The following KCNV2 variants were observed in gnomAD, a reference collection of about 807,000 sequenced individuals.
KCNV2 encodes potassium voltage-gated channel subfamily V member 2.
A neutral mutation model predicts 37.0 loss-of-function variants in KCNV2; 65 were observed. The ratio of observed to expected loss-of-function variants is 1.76; its 90% CI spans 1.44 to 2.16. The LOEUF (loss-of-function observed/expected upper bound fraction) is 2.16, where lower values mean the gene tolerates loss of function less well. KCNV2 is among the 30% of genes most tolerant of loss of function. KCNV2 has a pLI of 0.00. For synonymous variants in KCNV2, 518 were observed against 328.6 expected (o/e 1.58, Z -6.23); for missense variants, 1,232 against 766.7 (o/e 1.61, Z -7.17).
chr9:2,727,535 G>A (rs896328943), intron 1 of KCNV2, among the ~76,000 whole-genome samples: 19 of 152,250 alleles, frequency 1.2e-4, no homozygotes, highest in African/African-American at 3.9e-4. Context: ...TTGGGAGAAG[G>A]ATATTCTCTA....
Position 2,729,635 on chromosome 9 carries a change from G to A in KCNV2, c.1546G>A (p.Gly516Arg), listed in dbSNP as rs907282459. Residue 516 changes from glycine (G) to arginine (R), a missense_variant, in exon 2 of 2, where the codon GGA becomes AGA. Physicochemically the swap from Gly to Arg is moderately radical, Grantham distance 125 (BLOSUM62 -2). Transcript: ENST00000382082. Reference sequence around the variant, plus strand: ...GTATACCACCATACGCAGGGAGAGGGGAGAGGTGAACTTCATGCAGAGAGC... The same window carrying A: ...GTATACCACCATACGCAGGGAGAGGAGAGAGGTGAACTTCATGCAGAGAGC... Reference protein sequence around the residue: ...YEYTTIRRERGEVNFMQRARK... With the variant: ...YEYTTIRRERREVNFMQRARK... 3 of 1,614,082 alleles carry A rather than the reference G, an allele frequency of 1.9e-6. No homozygotes were observed. Among genetic ancestry groups the A allele is most frequent in the Non-Finnish European group, 2.5e-6 (3 of 1,179,998 alleles).
intron 1 of KCNV2, among the ~76,000 whole-genome samples, chr9:2,723,864 G>A (rs1819924004): frequency 6.6e-6 from 1 of 152,154 alleles, no homozygotes; most frequent in South Asian, 2.1e-4. Context: ...TGGATTGCCT[G>A]GGGGTAGGAA....
chr9:2,717,768 C>A lies in KCNV2; in HGVS notation c.29C>A (p.Ser10Tyr). ...CTCAAACAGAGTGAGAGGAGACGGT[C>A]CTGGAGCTACAGGCCCTGGAACACG... MLKQSERRR[S>Y]WSYRPWNTTE... is the part of the protein sequence containing the mutation. The change falls in exon 1 of 2, where the codon TCC becomes TAC. Residue 10 changes from serine to tyrosine, a missense_variant. Coordinates refer to ENST00000382082, the MANE Select transcript of KCNV2 (RefSeq NM_133497.4). The A allele has an allele frequency of 1.2e-6, 2 of 1,614,204 alleles. No individual in the cohort carries two copies. Among genetic ancestry groups the A allele is most frequent in the Non-Finnish European group, 1.7e-6 (2 of 1,180,036 alleles).
chr9:2,718,174 G>C lies in KCNV2; in HGVS notation c.435G>C (p.Gln145His), dbSNP rs762556896. 1.9e-6 allele frequency: 3 copies of C among 1,613,202 alleles called. No individual in the cohort carries two copies. The highest frequency in any genetic ancestry group is 2.2e-5 in the East Asian group (1 of 44,856). Residue 145 changes from glutamine (Q) to histidine (H), a missense_variant, in exon 1 of 2, where the codon CAG becomes CAC. Gln to His is a conservative substitution (Grantham distance 24, BLOSUM62 0). Coordinates refer to ENST00000382082, the MANE Select transcript of KCNV2 (RefSeq NM_133497.4). ...QLSLCDDYEEQTDEYFFDRDP... is the reference protein window; with the variant it reads ...QLSLCDDYEEHTDEYFFDRDP... ...GCCTGTGCGACGACTACGAGGAGCA[G>C]ACAGACGAATACTTCTTCGACCGCG...
At position 2,717,704 on chromosome 9, in the gene KCNV2, C is replaced by A; in HGVS notation, c.-36C>A. ...GCAGGTGAGGGACCCCTACCACAGC[C>A]AGGAGGAAAAAGCTAGGCGTCCACT... On this transcript the variant is annotated 5_prime_UTR_variant, in exon 1 of 2. Transcript: ENST00000382082. 1.2e-6 allele frequency: 2 copies of A among 1,613,934 alleles called. No individual in the cohort carries two copies. Among genetic ancestry groups the A allele is most frequent in the South Asian group, 1.1e-5 (1 of 90,998 alleles).
Position 2,729,451 on chromosome 9 carries a change from C to T in KCNV2, c.1362C>T (p.Ser454=), listed in dbSNP as rs899949963. ...IPHSWWWAAV[S]ISTVGYGDMY... is the part of the protein sequence containing the mutation. The stretch of plus-strand genomic sequence containing the variant: ...CTGCTTTCCTTCCTCTACAGGTGAG[C>T]ATCTCCACCGTGGGCTACGGAGACA... Residue 454 remains serine (S), a synonymous_variant, in exon 2 of 2, where the codon AGC becomes AGT. Transcript: ENST00000382082. The T allele has an allele frequency of 6.2e-7, 1 of 1,613,492 alleles. No individual in the cohort carries two copies. Among genetic ancestry groups the T allele is most frequent in the Non-Finnish European group, 8.5e-7 (1 of 1,179,960 alleles).
At position 2,718,690 on chromosome 9, in the gene KCNV2, C is replaced by A. The variant is rs1432037634; in HGVS notation, c.951C>A (p.Tyr317Ter). 6.2e-7 allele frequency: 1 copy of A among 1,613,296 alleles called. No homozygotes were observed. The highest frequency in any genetic ancestry group is 8.5e-7 in the Non-Finnish European group (1 of 1,179,846). Residue 317 changes from tyrosine to a stop codon, truncating the protein, a stop_gained, in exon 1 of 2, where the codon TAC becomes TAA. Coordinates refer to ENST00000382082, the MANE Select transcript of KCNV2 (RefSeq NM_133497.4). LOFTEE classifies it high-confidence loss of function. ...GCATGGGCTTCTTCACGCTCGAGTA[C>A]CTGCTGCGCCTAGCCTCCACGCCCG... ...MLCMGFFTLE[Y>*]LLRLASTPDL... is the part of the protein sequence containing the mutation.
intron 1 of KCNV2, among the ~76,000 whole-genome samples, chr9:2,728,312 G>GC (rs536193179): frequency 1.3e-5 from 2 of 152,126 alleles, no homozygotes; most frequent in African/African-American, 4.8e-5. Flanking sequence ...AGCAAAGAGT[G>GC]CCCCCCTGGA....
intron 1 of KCNV2, among the ~76,000 whole-genome samples, chr9:2,719,435 T>C (rs1425250315): frequency 6.6e-6 from 1 of 152,144 alleles, no homozygotes; most frequent in East Asian, 1.9e-4. Context: ...GCTTATCTCA[T>C]TGTGGCATCA....
rs776336282 is a variant in KCNV2 at position 2,717,889 on chromosome 9, C to G, written c.150C>G (p.Asn50Lys). Residue 50 changes from asparagine (N) to lysine (K), a missense_variant, in exon 1 of 2, where the codon AAC becomes AAG. Physicochemically the swap from Asn to Lys is moderately conservative, Grantham distance 94. Coordinates refer to ENST00000382082, the MANE Select transcript of KCNV2 (RefSeq NM_133497.4). ...QASIHGWTEG[N>K]YNYYIEEDED... ...GCATCCACGGCTGGACAGAGGGCAA[C>G]TATAACTACTACATCGAGGAAGACG... 6.2e-7 allele frequency: 1 copy of G among 1,614,200 alleles called. No individual in the cohort carries two copies. Among genetic ancestry groups the G allele is most frequent in the South Asian group, 1.1e-5 (1 of 91,086 alleles).
Position 2,718,945 on chromosome 9 carries a change from C to T in KCNV2, c.1206C>T (p.Phe402=), listed in dbSNP as rs780711475. The T allele has an allele frequency of 1.1e-5, 18 of 1,609,800 alleles. No homozygotes were observed. The highest frequency in any genetic ancestry group is 3.3e-5 in the Admixed American group (2 of 60,014). ...RHSTGLRAFG[F]TLRQCYQQVG... ...CCACCGGACTGCGTGCCTTCGGCTT[C>T]ACGCTGCGCCAGTGCTACCAGCAGG... The change falls in exon 1 of 2, where the codon TTC becomes TTT. Residue 402 remains phenylalanine (F), a synonymous_variant. Coordinates refer to ENST00000382082, the MANE Select transcript of KCNV2 (RefSeq NM_133497.4).
chr9:2,724,696 A>G (rs1819942335), intron 1 of KCNV2, among the ~76,000 whole-genome samples: 1 of 152,344 alleles, frequency 6.6e-6, no homozygotes. Context: ...ATTGGCTGCA[A>G]TTGGAGGAAT....
chr9:2,728,685 C>T (rs111644520), intron 1 of KCNV2, among the ~76,000 whole-genome samples: 1,881 of 152,194 alleles, frequency 0.012, 35 homozygotes, highest in African/African-American at 0.043. Context: ...AGCACCTTCA[C>T]ATAAAGTCTC....
At position 2,729,633 on chromosome 9, in the gene KCNV2, G is replaced by T; in HGVS notation, c.1544G>T (p.Arg515Met). The T allele has an allele frequency of 6.2e-7, 1 of 1,614,108 alleles. No homozygotes were observed. Among genetic ancestry groups the T allele is most frequent in the Non-Finnish European group, 8.5e-7 (1 of 1,180,004 alleles). ...GAGTATACCACCATACGCAGGGAGAGGGGAGAGGTGAACTTCATGCAGAGA... is the reference window on the plus strand; with the variant it reads ...GAGTATACCACCATACGCAGGGAGATGGGAGAGGTGAACTTCATGCAGAGA... ...AYEYTTIRRE[R>M]GEVNFMQRAR... Residue 515 changes from arginine (R) to methionine (M), a missense_variant, in exon 2 of 2, where the codon AGG becomes ATG. By Grantham distance (91) the Arg-to-Met change is moderately conservative. Coordinates refer to ENST00000382082, the MANE Select transcript of KCNV2 (RefSeq NM_133497.4).
In KCNV2 at chr9:2,718,894, C is replaced by G; in HGVS notation, c.1155C>G (p.Phe385Leu). The G allele has an allele frequency of 6.2e-7, 1 of 1,608,672 alleles. No individual in the cohort carries two copies. Among genetic ancestry groups the G allele is most frequent in the African/African-American group, 1.3e-5 (1 of 75,068 alleles). The part of the protein sequence containing the change: ...VLRVMRLMRI[F>L]RILKLARHST... ...GCGTCATGCGCCTCATGCGCATCTT[C>G]CGCATCCTCAAGCTGGCGCGCCACT... is the stretch of plus-strand genomic sequence containing the variant. The change falls in exon 1 of 2, where the codon TTC becomes TTG. Residue 385 changes from phenylalanine (F) to leucine (L), a missense_variant. Transcript: ENST00000382082.
chr9:2,724,089 G>T (rs1460008932), intron 1 of KCNV2, among the ~76,000 whole-genome samples: 1 of 150,598 alleles, frequency 6.6e-6, no homozygotes, highest in Admixed American at 6.6e-5. Context: ...GACTTTGAAT[G>T]AACCATTTCC....
rs1209151330 is a variant in KCNV2, at chr9:2,722,443, GTTAT to G, written c.1356+3353_1356+3356del. Among the ~76,000 whole-genome samples, 20 of 134,424 alleles carry G rather than the reference GTTAT, an allele frequency of 1.5e-4. 4 individuals are homozygous for G. Among genetic ancestry groups the G allele is most frequent in the African/African-American group, 5.5e-4 (19 of 34,508 alleles). 88.2% of individuals were successfully genotyped at this position (134,424 alleles called of 152,430 possible). ...ATAAATAGAAGTTATTTATAAATAA[GTTAT>G]TTATAAATAGAAGTTATTTATAAAT... On this transcript the variant is annotated intron_variant, in intron 1 of 1. Transcript: ENST00000382082.
Position 2,718,092 on chromosome 9 carries a change from T to TC in KCNV2, c.357dup (p.Lys120GlnfsTer252), listed in dbSNP as rs1402837406. 6.2e-7 allele frequency: 1 copy of TC among 1,600,282 alleles called. No individual in the cohort carries two copies. Among genetic ancestry groups the TC allele is most frequent in the Non-Finnish European group, 8.5e-7 (1 of 1,173,312 alleles). ...CTGGACTACTGCGAGCTGGCCGGCT[T>TC]CCCCAAGACGCGCCTAGGTCGCCTG... On this transcript the variant is annotated frameshift_variant, in exon 1 of 2. Transcript: ENST00000382082. LOFTEE classifies it high-confidence loss of function.
intron 1 of KCNV2, among the ~76,000 whole-genome samples, chr9:2,727,792 TAG>T (rs1419675905): frequency 1.3e-5 from 2 of 152,116 alleles, no homozygotes; most frequent in Non-Finnish European, 2.9e-5. Flanking sequence ...CTCTGTGAGG[TAG>T]ATACCACACA....
Sources: allele counts gnomAD v4.1 joint callset (sites outside exome capture counted in the v4.1 genomes callset), GRCh38; gene constraint gnomAD v4.1.1; transcripts MANE v1.5; gene names NCBI Gene and HGNC (gene_info 2026-07-23, HGNC 2026-07-21).